Variants in OGDH observed in about 807,000 individuals in gnomAD.
OGDH encodes the protein oxoglutarate dehydrogenase.
Under a neutral mutation model 116.6 loss-of-function variants are expected in OGDH, and 38 were observed. The ratio of observed to expected loss-of-function variants is 0.33; its 90% CI spans 0.25 to 0.43. OGDH has a LOEUF of 0.43. Ranked by LOEUF, OGDH falls within the 20% of genes least tolerant of loss-of-function variation. OGDH has a pLI of 1.00. For synonymous variants in OGDH, 488 were observed against 533.3 expected, an observed-to-expected ratio of 0.92 and a Z score of 1.17; for missense variants, 825 against 1,357.2, an observed-to-expected ratio of 0.61 and a Z score of 6.16.
Position 44,697,329 on chromosome 7 carries a change from A to G in OGDH, c.2052-41A>G. The G allele has an allele frequency of 6.2e-7, 1 of 1,612,806 alleles. No homozygotes were observed. Among genetic ancestry groups the G allele is most frequent in the Non-Finnish European group, 8.5e-7 (1 of 1,179,044 alleles). On this transcript the variant is annotated intron_variant, in intron 15 of 22. Transcript: ENST00000222673. The surrounding 1 kb of genome is among the most constrained non-coding windows in gnomAD (Gnocchi z 6.0). ...GGGTCCCCAGCGTATTTGCTTGTCA[A>G]GTCAGAGCTCCTAATTATTACCTCT...
intron 4 of OGDH, among the ~76,000 whole-genome samples, chr7:44,661,493 T>C (rs957214064): frequency 1.4e-4 from 22 of 152,250 alleles, no homozygotes; most frequent in African/African-American, 5.3e-4. Flanking sequence ...TGCCATTTTA[T>C]TATTTATTTT....
intron 2 of OGDH, among the ~76,000 whole-genome samples, chr7:44,632,968 A>G (rs1436546548): frequency 6.6e-6 from 1 of 151,588 alleles, no homozygotes; most frequent in Admixed American, 6.6e-5. Context: ...AAATACCTTA[A>G]TGGGGCCAGG....
chr7:44,677,739 T>A (rs922486616), intron 9 of OGDH, among the ~76,000 whole-genome samples: 1 of 151,886 alleles, frequency 6.6e-6, no homozygotes, highest in Non-Finnish European at 1.5e-5. Context: ...CCGGGCATGG[T>A]GGCACACGCC....
At chr7:44,642,795 G>T (rs776063459) in intron 2 of OGDH, among the ~76,000 whole-genome samples, 1 of 151,840 alleles carries the variant, frequency 6.6e-6, no homozygotes, top group African/African-American at 2.4e-5. Context: ...GGTGGCAGGC[G>T]CCTGTAATCC....
chr7:44,649,311 A>T (rs1288826274), intron 4 of OGDH, among the ~76,000 whole-genome samples: 1 of 139,760 alleles, frequency 7.2e-6, no homozygotes, highest in Non-Finnish European at 1.5e-5. Flanking sequence ...GTGCAGCAGC[A>T]TAATCTCGGC....
chr7:44,685,263 C>G (rs191056786), intron 10 of OGDH, among the ~76,000 whole-genome samples: 1 of 152,124 alleles, frequency 6.6e-6, no homozygotes, highest in African/African-American at 2.4e-5. Flanking sequence ...ACATGAACTC[C>G]GAGTCCTTGC....
chr7:44,689,454 G>A (rs1367329617), intron 10 of OGDH, among the ~76,000 whole-genome samples: 2 of 135,616 alleles, frequency 1.5e-5, no homozygotes, highest in African/African-American at 5.7e-5. Flanking sequence ...GCCCAGGCTG[G>A]TCTTGAACTC....
In OGDH at chr7:44,695,295, C is replaced by T. The variant is rs185811065; in HGVS notation, c.1668+719C>T. 5.9e-3 allele frequency among the ~76,000 whole-genome samples: 904 copies of T among 152,198 alleles called. 8 individuals are homozygous for T. Among genetic ancestry groups the T allele is most frequent in the African/African-American group, 0.02 (821 of 41,570 alleles). On this transcript the variant is annotated intron_variant, in intron 12 of 22. Coordinates refer to ENST00000222673, the MANE Select transcript of OGDH (RefSeq NM_002541.4). The stretch of plus-strand genomic sequence containing the variant: ...ATTTTTAGTAGAAACAGGGTTTCCC[C>T]GTGTTGGCCAGGCTGGTCTTGAACT...
In OGDH at chr7:44,707,714, A is replaced by G; in HGVS notation, c.2929A>G (p.Ile977Val). The G allele has an allele frequency of 1.2e-6, 2 of 1,614,150 alleles. No homozygotes were observed. Among genetic ancestry groups the G allele is most frequent in the African/African-American group, 1.3e-5 (1 of 75,048 alleles). ...CGTGAAGCCAAGACTTCGGACCACC[A>G]TCAGCCGCGCCAAGCCCGTCTGGTA... is the stretch of plus-strand genomic sequence containing the variant. ...DYVKPRLRTT[I>V]SRAKPVWYAG... is the part of the protein sequence containing the mutation. Residue 977 changes from isoleucine to valine, a missense_variant, in exon 22 of 23, where the codon ATC becomes GTC. Ile to Val is a conservative substitution (Grantham distance 29). Transcript: ENST00000222673. The surrounding 1 kb of genome is among the most constrained non-coding windows in gnomAD (Gnocchi z 5.2).
At chr7:44,682,413 T>G (rs1481058112) in intron 10 of OGDH, among the ~76,000 whole-genome samples, 1 of 149,130 alleles carries the variant, frequency 6.7e-6, no homozygotes, top group Non-Finnish European at 1.5e-5. Context: ...GAAAAAAAGT[T>G]AGCACCGGGC....
intron 9 of OGDH, among the ~76,000 whole-genome samples, chr7:44,677,554 G>T (rs1562665406): frequency 6.6e-6 from 1 of 152,166 alleles, no homozygotes. Context: ...GCCCTGGAAA[G>T]AAGTCAGGTC....
At chr7:44,700,093 G>C (rs975678537) in intron 18 of OGDH, 48 bp from the exon 19 acceptor site, 12 of 1,602,740 alleles carry the variant, frequency 7.5e-6, no homozygotes, top group Non-Finnish European at 1.0e-5. Flanking sequence ...TGCCCCAGAA[G>C]ACTCAGTGCT....
chr7:44,657,193 A>G (rs1786727876), intron 4 of OGDH, among the ~76,000 whole-genome samples: 1 of 152,200 alleles, frequency 6.6e-6, no homozygotes, highest in African/African-American at 2.4e-5. Context: ...AAGACTCTAG[A>G]CATCCATCAC....
chr7:44,671,010 C>CAAAAAAAA (rs111818473), intron 5 of OGDH, among the ~76,000 whole-genome samples: 1 of 68,612 alleles, frequency 1.5e-5, no homozygotes, highest in Non-Finnish European at 3.6e-5. Flanking sequence ...GACTCCATCT[C>CAAAAAAAA]AAAAAAAAAA....
intron 2 of OGDH, among the ~76,000 whole-genome samples, chr7:44,642,940 T>A (rs918870020): frequency 2.6e-5 from 4 of 151,702 alleles, no homozygotes; most frequent in Middle Eastern, 3.4e-3. Context: ...AAAAAATTTT[T>A]AAATATAATT....
chr7:44,639,514 T>C (rs1451407488), intron 2 of OGDH, among the ~76,000 whole-genome samples: 1 of 152,236 alleles, frequency 6.6e-6, no homozygotes, highest in Non-Finnish European at 1.5e-5. Flanking sequence ...TTTGAATAAA[T>C]AAACTTTTTT....
intron 2 of OGDH, among the ~76,000 whole-genome samples, chr7:44,642,476 G>C (rs1180486802): frequency 6.6e-6 from 1 of 152,004 alleles, no homozygotes; most frequent in Non-Finnish European, 1.5e-5. Context: ...TCATGTTCCT[G>C]ATTGTTGGGT....
intron 1 of OGDH, among the ~76,000 whole-genome samples, chr7:44,611,139 G>A (rs1350184498): frequency 1.4e-5 from 2 of 146,466 alleles, no homozygotes; most frequent in African/African-American, 2.5e-5. Flanking sequence ...GCAGTGGCAT[G>A]ATCACAGCTC....
At chr7:44,618,756 A>G (rs927144383) in intron 1 of OGDH, among the ~76,000 whole-genome samples, 1 of 152,136 alleles carries the variant, frequency 6.6e-6, no homozygotes, top group Non-Finnish European at 1.5e-5. Context: ...ATACTCTAAT[A>G]TTCCTCCACT....
Sources: allele counts gnomAD v4.1 joint callset (sites outside exome capture counted in the v4.1 genomes callset), GRCh38; gene constraint gnomAD v4.1.1; non-coding constraint Gnocchi (gnomAD v3.1); transcripts MANE v1.5; gene names NCBI Gene and HGNC (gene_info 2026-07-23, HGNC 2026-07-21).